GNS: variants seen among roughly 807,000 people sequenced by gnomAD.
GNS encodes the protein glucosamine (N-acetyl)-6-sulfatase, also known as N-acetylglucosamine-6-sulfatase.
Under a neutral mutation model 69.7 loss-of-function variants are expected in GNS, and 40 were observed. That is an observed-to-expected ratio of 0.57 (90% CI 0.45 to 0.75). The LOEUF (loss-of-function observed/expected upper bound fraction) is 0.75. Ranked by LOEUF, GNS falls within the 30% of genes least tolerant of loss-of-function variation. The pLI, the probability that GNS is intolerant of heterozygous loss-of-function variation, is 0.00. For synonymous variants in GNS, 243 were observed against 251.6 expected (o/e 0.97, Z 0.32); for missense variants, 565 against 685.5 (o/e 0.82, Z 1.96).
intron 6 of GNS, among the ~76,000 whole-genome samples, chr12:64,740,961 G>A (rs1384780185): frequency 6.6e-6 from 1 of 152,122 alleles, no homozygotes; most frequent in Non-Finnish European, 1.5e-5. Flanking sequence ...AGTATTAAGA[G>A]ATTTTAGAGG....
intron 6 of GNS, among the ~76,000 whole-genome samples, chr12:64,742,058 T>C (rs1430145268): frequency 1.3e-5 from 2 of 152,200 alleles, no homozygotes; most frequent in Admixed American, 6.5e-5. Flanking sequence ...TCTTGCACTG[T>C]TTCCCAGGCT....
At chr12:64,742,842 G>T (rs1186509840) in intron 6 of GNS, among the ~76,000 whole-genome samples, 1 of 152,210 alleles carries the variant, frequency 6.6e-6, no homozygotes, top group East Asian at 1.9e-4. Context: ...TATGCCAGGA[G>T]GGAGGAGAGT....
At position 64,752,721 on chromosome 12, in the gene GNS, T is replaced by C. The variant is rs763723151; in HGVS notation, c.229A>G (p.Met77Val). The change falls in exon 2 of 14, where the codon ATG becomes GTG. Residue 77 changes from methionine to valine, a missense_variant. Met to Val is a conservative substitution (Grantham distance 21). Around this residue, in one of 2 missense-constraint regions of GNS, gnomAD observed 181 missense variants for 174.4 expected, o/e 1.04. Coordinates refer to ENST00000258145, the MANE Select transcript of GNS (RefSeq NM_002076.4). ...LKKTKALIGE[M>V]GMTFSSAYVP... ...ACAGCACTGGAAAAAGTCATCCCCATCTCTCCGATGAGAGCTTTGGTTTTC... is the reference window on the plus strand; with the variant it reads ...ACAGCACTGGAAAAAGTCATCCCCACCTCTCCGATGAGAGCTTTGGTTTTC... The C allele has an allele frequency of 9.8e-6, 15 of 1,536,146 alleles. No homozygotes were observed. Among genetic ancestry groups the C allele is most frequent in the Middle Eastern group, 3.5e-4 (2 of 5,768 alleles).
intron 9 of GNS, 124 bp from the exon 10 acceptor site, chr12:64,729,181 C>G: frequency 1.4e-6 from 1 of 705,648 alleles, no homozygotes; most frequent in Non-Finnish European, 2.6e-6. Flanking sequence ...TTTTATACAG[C>G]CCATACTTTG....
chr12:64,757,776 T>G (rs937262988), intron 1 of GNS, among the ~76,000 whole-genome samples: 3 of 152,218 alleles, frequency 2.0e-5, no homozygotes, highest in African/African-American at 7.2e-5. Context: ...TAAAAAATGT[T>G]GGTAGTTACT....
intron 5 of GNS, 133 bp from the exon 6 acceptor site, chr12:64,743,441 CAT>C: frequency 1.4e-6 from 1 of 696,902 alleles, no homozygotes; most frequent in Non-Finnish European, 2.6e-6. Context: ...GATCTTATGT[CAT>C]AGCCATTTGC....
At position 64,747,917 on chromosome 12, in the gene GNS, T is replaced by C; in HGVS notation, c.254A>G (p.Tyr85Cys). 6.4e-7 allele frequency: 1 copy of C among 1,573,130 alleles called. No individual in the cohort carries two copies. The highest frequency in any genetic ancestry group is 1.3e-5 in the African/African-American group (1 of 74,296). ...GEMGMTFSSA[Y>C]VPSALCCPSR... Reference sequence around the variant, plus strand: ...GGGGCAGCAGAGAGCACTTGGCACATACTACAAAGGAAAGGAAGCAAAAAC... The same window carrying C: ...GGGGCAGCAGAGAGCACTTGGCACACACTACAAAGGAAAGGAAGCAAAAAC... The change falls in exon 3 of 14, where the codon TAT becomes TGT. Residue 85 changes from tyrosine (Y) to cysteine (C), a missense_variant and splice_region_variant. Physicochemically the swap from Tyr to Cys is radical, Grantham distance 194 (BLOSUM62 -2). Coordinates refer to ENST00000258145, the MANE Select transcript of GNS (RefSeq NM_002076.4).
At chr12:64,718,077 C>A (rs1868921519) in intron 13 of GNS, among the ~76,000 whole-genome samples, 1 of 152,300 alleles carries the variant, frequency 6.6e-6, no homozygotes, top group East Asian at 1.9e-4. Flanking sequence ...ATGTGTGAGG[C>A]TGTGTTCCCG....
chr12:64,732,610 G>A (rs1158225494), intron 9 of GNS, among the ~76,000 whole-genome samples: 6 of 150,992 alleles, frequency 4.0e-5, no homozygotes, highest in Non-Finnish European at 5.9e-5. Context: ...ATAGGCGCCC[G>A]CCACCACACC....
intron 1 of GNS, chr12:64,756,619 C>T (rs1351488731): frequency 2.8e-6 from 2 of 723,468 alleles, no homozygotes. Flanking sequence ...CTATGTACAG[C>T]AGAGGACTCC....
rs1869808612 is a variant in GNS, at chr12:64,743,431, G to A, written c.625-123C>T. 5.5e-6 allele frequency: 4 copies of A among 730,790 alleles called. No homozygotes were observed. In the East Asian group the frequency reaches 1.1e-4, roughly 20 times the overall value. 45.3% of individuals were successfully genotyped at this position (730,790 alleles called of 1,614,324 possible). On this transcript the variant is annotated intron_variant, in intron 5 of 13. Transcript: ENST00000258145. ...TAGCTTTTAAGCAATCTTAGCACATGATCTTATGTCATAGCCATTTGCAAG... is the reference window on the plus strand; with the variant it reads ...TAGCTTTTAAGCAATCTTAGCACATAATCTTATGTCATAGCCATTTGCAAG...
intron 1 of GNS, among the ~76,000 whole-genome samples, chr12:64,757,391 G>A (rs1354291432): frequency 6.6e-6 from 1 of 152,008 alleles, no homozygotes; most frequent in African/African-American, 2.4e-5. Context: ...GCTTTTTCTG[G>A]ACAAAACACT....
Position 64,721,703 on chromosome 12 carries a change from T to C in GNS, c.1311A>G (p.Gln437=), listed in dbSNP as rs376356295. Residue 437 remains glutamine (Q), a splice_region_variant and synonymous_variant, in exon 12 of 14, where the codon CAA becomes CAG. Transcript: ENST00000258145. ...CTTCACATACACAGTCTGGGAAGCA[T>C]TGCTGTAGGGATATTTCAAAAGTTA... is the stretch of plus-strand genomic sequence containing the variant. The part of the protein sequence containing the change: ...TCPSLSPGVS[Q]CFPDCVCEDA... 3.5e-6 allele frequency: 5 copies of C among 1,428,140 alleles called. No individual in the cohort carries two copies. Among genetic ancestry groups the C allele is most frequent in the South Asian group, 2.3e-5 (2 of 87,408 alleles). The allele number at this position is 1,428,140 out of a possible 1,614,324, so 88.5% of individuals were successfully genotyped here.
In GNS at chr12:64,752,833, G is replaced by A. The variant is rs1870122262; in HGVS notation, c.193-76C>T. ...ACACACAGCCCAGAATTCCTGTTTT[G>A]TTACATCTTACTCAATCTTTTATTC... On this transcript the variant is annotated intron_variant, in intron 1 of 13. Coordinates refer to ENST00000258145, the MANE Select transcript of GNS (RefSeq NM_002076.4). 6 of 784,848 alleles carry A rather than the reference G, an allele frequency of 7.6e-6. No individual in the cohort carries two copies. In the South Asian group the frequency reaches 8.4e-5, roughly 11 times the overall value. 48.6% of individuals were successfully genotyped at this position (784,848 alleles called of 1,614,324 possible).
At chr12:64,749,247 G>GC (rs1869996826) in intron 2 of GNS, among the ~76,000 whole-genome samples, 1 of 115,232 alleles carries the variant, frequency 8.7e-6, no homozygotes, top group Non-Finnish European at 1.8e-5. Context: ...CCTTGATTTG[G>GC]CTTTTTTTTT....
At chr12:64,750,749 GAAA>G (rs1870050416) in intron 2 of GNS, among the ~76,000 whole-genome samples, 1 of 151,596 alleles carries the variant, frequency 6.6e-6, no homozygotes, top group Admixed American at 6.6e-5. Context: ...AAAAAAAGTG[GAAA>G]AAAATTGGCC....
intron 1 of GNS, among the ~76,000 whole-genome samples, chr12:64,754,139 G>A (rs984771836): frequency 3.3e-5 from 5 of 152,184 alleles, no homozygotes; most frequent in African/African-American, 1.2e-4. Context: ...AACACAACAC[G>A]TGCCAGGCAT....
intron 1 of GNS, among the ~76,000 whole-genome samples, chr12:64,754,638 C>T (rs900467401): frequency 6.6e-6 from 1 of 152,064 alleles, no homozygotes; most frequent in Admixed American, 6.6e-5. Flanking sequence ...CCTGTTATCC[C>T]AGCACTTTAG....
At chr12:64,752,567 A>G in intron 2 of GNS, 131 bp downstream of exon 2, 1 of 650,182 alleles carries the variant, frequency 1.5e-6, no homozygotes, top group Non-Finnish European at 2.8e-6. Flanking sequence ...CATTAAATAA[A>G]TCCTTCCTTC....
Sources: gnomAD v4.1 joint callset for allele counts (sites outside exome capture counted in the v4.1 genomes callset) on GRCh38, gnomAD v4.1.1 for gene constraint, gnomAD v4.1.1 regional missense constraint, MANE v1.5 for transcripts, NCBI Gene and HGNC (gene_info 2026-07-23, HGNC 2026-07-21) for gene names.